Variants in PKD2L2 observed in about 807,000 individuals in gnomAD.
The protein encoded by PKD2L2 is polycystin-2-like protein 2.
In PKD2L2, 67 loss-of-function variants were observed where a neutral mutation model predicts 83.9. The observed-to-expected ratio is 0.80, with a 90% CI of 0.66 to 0.98. The LOEUF (loss-of-function observed/expected upper bound fraction) is 0.98, where lower values mean the gene tolerates loss of function less well. Ranked by LOEUF, PKD2L2 falls within the 50% of genes least tolerant of loss-of-function variation. PKD2L2 has a pLI of 0.00. For missense variants in PKD2L2, 632 were observed against 717.2 expected (o/e 0.88, Z 1.36); for synonymous variants, 223 against 237.8 (o/e 0.94, Z 0.57).
At chr5:137,890,644 AAAAT>A (rs1439208942) in intron 2 of PKD2L2, 62 bp downstream of exon 2, 38 of 711,366 alleles carry the variant, frequency 5.3e-5, no homozygotes, top group Non-Finnish European at 8.3e-5. Context: ...GTGGAGATGA[AAAAT>A]AAAACATACA....
chr5:137,923,463 A>C lies in PKD2L2; in HGVS notation c.1493A>C (p.Lys498Thr). The C allele has an allele frequency of 1.3e-6, 2 of 1,566,644 alleles. No homozygotes were observed. The highest frequency in any genetic ancestry group is 4.5e-5 in the East Asian group (2 of 44,658). ...ATTAATGATACCTATTCTGAAGTGA[A>C]AGCTGACTATTCAATAGGCAGAAGG... ...AIINDTYSEVKADYSIGRRLD... is the reference protein window; with the variant it reads ...AIINDTYSEVTADYSIGRRLD... The change falls in exon 10 of 15, where the codon AAA becomes ACA. Residue 498 changes from lysine to threonine, a missense_variant. This residue lies in a region of PKD2L2 where 399 missense variants were observed against 416.9 expected (regional missense o/e 0.96). Coordinates refer to ENST00000508883, the MANE Select transcript of PKD2L2 (RefSeq NM_001300921.2).
At position 137,894,430 on chromosome 5, in the gene PKD2L2, C is replaced by T. The variant is rs747982202; in HGVS notation, c.345C>T (p.Asn115=). ...YNNQQLYNLK[N]SSRIYYENIL... ...ACCAGCAGCTGTATAATTTAAAGAACAGCAGTCGCATCTACTATGAAAATA... is the reference window on the plus strand; with the variant it reads ...ACCAGCAGCTGTATAATTTAAAGAATAGCAGTCGCATCTACTATGAAAATA... The change falls in exon 4 of 15, where the codon AAC becomes AAT. Residue 115 remains asparagine (N), a synonymous_variant. Transcript: ENST00000508883. 2.5e-6 allele frequency: 4 copies of T among 1,613,122 alleles called. No individual in the cohort carries two copies. Among genetic ancestry groups the T allele is most frequent in the Non-Finnish European group, 3.4e-6 (4 of 1,179,484 alleles).
chr5:137,919,762 C>CT (rs1161798704), intron 8 of PKD2L2, among the ~76,000 whole-genome samples: 1 of 152,318 alleles, frequency 6.6e-6, no homozygotes, highest in African/African-American at 2.4e-5. Context: ...TCAGATAACT[C>CT]TGAGTCCTAG....
At chr5:137,913,876 T>TG (rs1758078778) in intron 8 of PKD2L2, among the ~76,000 whole-genome samples, 1 of 150,494 alleles carries the variant, frequency 6.6e-6, no homozygotes. Flanking sequence ...TTTTCCTTTT[T>TG]TTTTTTTTCC....
rs555351353 is a variant in PKD2L2 at position 137,892,819 on chromosome 5, T to A, written c.267+206T>A. On this transcript the variant is annotated intron_variant, in intron 3 of 14. Transcript: ENST00000508883. The stretch of plus-strand genomic sequence containing the variant: ...ACTATTCTTGTAATTTTTTAAAAAA[T>A]TTTTTTGGCCAGGCACGGTGGCTCA... Among the ~76,000 whole-genome samples the A allele has an allele frequency of 9.9e-5, 15 of 152,272 alleles. No individual in the cohort carries two copies. The East Asian group carries it at 2.1e-3, about 22-fold the overall frequency.
intron 5 of PKD2L2, among the ~76,000 whole-genome samples, chr5:137,900,168 G>A (rs930021126): frequency 6.6e-6 from 1 of 152,174 alleles, no homozygotes; most frequent in African/African-American, 2.4e-5. Flanking sequence ...ATTAGAGTAC[G>A]TACTGTACTA....
chr5:137,897,027 A>G lies in PKD2L2; in HGVS notation c.524+2418A>G, dbSNP rs529548662. Reference sequence around the variant, plus strand: ...AATACATTCATAAGTATGATGATACATTATTATATTATTATTATTATTATT... The same window carrying G: ...AATACATTCATAAGTATGATGATACGTTATTATATTATTATTATTATTATT... On this transcript the variant is annotated intron_variant, in intron 4 of 14. Coordinates refer to ENST00000508883, the MANE Select transcript of PKD2L2 (RefSeq NM_001300921.2). Among the ~76,000 whole-genome samples the G allele has an allele frequency of 9.6e-4, 96 of 100,472 alleles. 1 individual carries two copies. The highest frequency in any genetic ancestry group is 3.1e-3 in the African/African-American group (90 of 28,778). The allele number at this position is 100,472 out of a possible 152,430, so 65.9% of individuals were successfully genotyped here.
At chr5:137,889,795 A>G (rs1014649293) in intron 1 of PKD2L2, among the ~76,000 whole-genome samples, 3 of 152,200 alleles carry the variant, frequency 2.0e-5, no homozygotes, top group African/African-American at 4.8e-5. Context: ...GCCGGTCTCT[A>G]AAGTCCTTGG....
intron 12 of PKD2L2, among the ~76,000 whole-genome samples, chr5:137,930,103 G>A (rs1441232365): frequency 6.6e-6 from 1 of 151,812 alleles, no homozygotes; most frequent in Non-Finnish European, 1.5e-5. Context: ...AAAAACAAAC[G>A]GATTAAAAAG....
At chr5:137,941,456 A>G (rs1761807676) in intron 14 of PKD2L2, among the ~76,000 whole-genome samples, 2 of 152,154 alleles carry the variant, frequency 1.3e-5, no homozygotes, top group Admixed American at 6.5e-5. Flanking sequence ...TGCATTACCT[A>G]GTTAGATAAA....
chr5:137,930,677 A>G (rs1759800262), intron 12 of PKD2L2, among the ~76,000 whole-genome samples: 1 of 151,730 alleles, frequency 6.6e-6, no homozygotes, highest in Non-Finnish European at 1.5e-5. Flanking sequence ...AAAAAAAAAA[A>G]AAAAGAAAAT....
At chr5:137,900,901 G>A (rs539219033) in intron 5 of PKD2L2, among the ~76,000 whole-genome samples, 1 of 152,318 alleles carries the variant, frequency 6.6e-6, no homozygotes, top group African/African-American at 2.4e-5. Flanking sequence ...ACTTTGGGAG[G>A]CCGAGGTGGG....
chr5:137,899,253 A>C (rs1184257416), intron 4 of PKD2L2, among the ~76,000 whole-genome samples: 1 of 152,094 alleles, frequency 6.6e-6, no homozygotes, highest in Non-Finnish European at 1.5e-5. Context: ...AGCAGGTGGG[A>C]CTACAGGCAC....
rs774528614 is a variant in PKD2L2 at position 137,906,252 on chromosome 5, C to G, written c.793C>G (p.Gln265Glu). Residue 265 changes from glutamine (Q) to glutamate (E), a missense_variant, in exon 6 of 15, where the codon CAG becomes GAG. Transcript: ENST00000508883. ...PATGGILTSWQFYSVKLLRYV... is the reference protein window; with the variant it reads ...PATGGILTSWEFYSVKLLRYV... ...AACTGGAGGAATACTTACTTCATGG[C>G]AGTTTTACTCTGTGAAGCTCCTCAG... 6.2e-6 allele frequency: 10 copies of G among 1,612,076 alleles called. No individual in the cohort carries two copies. In the East Asian group the frequency reaches 2.2e-4, roughly 36 times the overall value.
At chr5:137,901,810 A>C (rs1030621851) in intron 5 of PKD2L2, among the ~76,000 whole-genome samples, 1 of 152,228 alleles carries the variant, frequency 6.6e-6, no homozygotes, top group African/African-American at 2.4e-5. Context: ...GAGAACCCCA[A>C]CAGAGAGAAC....
chr5:137,915,568 G>A (rs527601723), intron 8 of PKD2L2, among the ~76,000 whole-genome samples: 30 of 152,164 alleles, frequency 2.0e-4, no homozygotes, highest in African/African-American at 6.0e-4. Context: ...GATTACAGGC[G>A]TGCGCCACCA....
rs753165363 is a variant in PKD2L2 at position 137,908,843 on chromosome 5, G to C, written c.1225G>C (p.Gly409Arg). Residue 409 changes from glycine (G) to arginine (R), a missense_variant, in exon 8 of 15, where the codon GGA becomes CGA. Transcript: ENST00000508883. Reference protein sequence around the residue: ...TLSRCVKDIVGFAIMFFIIFF... With the variant: ...TLSRCVKDIVRFAIMFFIIFF... ...GTCCCGTTGTGTTAAAGACATAGTA[G>C]GATTTGCCATCATGTTTTTTATAAT... 6.3e-7 allele frequency: 1 copy of C among 1,594,798 alleles called. No homozygotes were observed. The highest frequency in any genetic ancestry group is 8.6e-7 in the Non-Finnish European group (1 of 1,162,996).
chr5:137,923,450 T>C lies in PKD2L2; in HGVS notation c.1480T>C (p.Tyr494His). The C allele has an allele frequency of 6.5e-7, 1 of 1,533,246 alleles. No individual in the cohort carries two copies. The highest frequency in any genetic ancestry group is 9.0e-7 in the Non-Finnish European group (1 of 1,106,816). The allele number at this position is 1,533,246 out of a possible 1,614,324, so 95.0% of individuals were successfully genotyped here. A position where few individuals can be genotyped will look rare whatever the true frequency, so the allele number is the denominator to read the frequency against. ...GTTCTTGGCAATTATTAATGATACC[T>C]ATTCTGAAGTGAAAGCTGACTATTC... ...NMFLAIINDT[Y>H]SEVKADYSIG... Residue 494 changes from tyrosine to histidine, a missense_variant, in exon 10 of 15, where the codon TAT (tyrosine) becomes CAT (histidine). Tyr to His is a moderately conservative substitution (Grantham distance 83). This residue lies in a region of PKD2L2 where 399 missense variants were observed against 416.9 expected (regional missense o/e 0.96). Coordinates refer to ENST00000508883, the MANE Select transcript of PKD2L2 (RefSeq NM_001300921.2).
intron 11 of PKD2L2, 47 bp from the exon 12 acceptor site, chr5:137,925,828 T>A (rs533187096): frequency 1.6e-5 from 20 of 1,214,316 alleles, no homozygotes; most frequent in Non-Finnish European, 2.3e-5. Context: ...TGGCATTTCC[T>A]TTCTTATTGT....
Sources: allele counts gnomAD v4.1 joint callset (sites outside exome capture counted in the v4.1 genomes callset), GRCh38; gene constraint gnomAD v4.1.1; regional missense constraint gnomAD v4.1.1; transcripts MANE v1.5; gene names NCBI Gene and HGNC (gene_info 2026-07-23, HGNC 2026-07-21).